Variants in TANC2 observed in about 807,000 individuals in gnomAD.
TANC2 encodes tetratricopeptide repeat, ankyrin repeat and coiled-coil containing 2.
Under a neutral mutation model 210.5 loss-of-function variants are expected in TANC2, and 26 were observed. The observed-to-expected ratio is 0.12, with a 90% CI of 0.09 to 0.17. The LOEUF (loss-of-function observed/expected upper bound fraction) is 0.17. TANC2 is among the 10% of genes least tolerant of loss of function. TANC2 has a pLI of 1.00. For missense variants in TANC2, 2,129 were observed against 2,608.9 expected (o/e 0.82, Z 4.01); for synonymous variants, 931 against 967.1 (o/e 0.96, Z 0.69).
intron 8 of TANC2, among the ~76,000 whole-genome samples, chr17:63,253,734 C>T (rs1304749592): frequency 6.6e-6 from 1 of 152,152 alleles, no homozygotes; most frequent in East Asian, 1.9e-4. Flanking sequence ...GATTCTCCCA[C>T]CTCAGACCTC....
chr17:63,034,016 C>T (rs1233075609), intron 2 of TANC2, among the ~76,000 whole-genome samples: 1 of 152,178 alleles, frequency 6.6e-6, no homozygotes, highest in Non-Finnish European at 1.5e-5. Flanking sequence ...TCTGGTCACT[C>T]TCTTCCCCCG....
chr17:63,156,953 A>G (rs1040346385), intron 5 of TANC2, among the ~76,000 whole-genome samples: 1 of 152,170 alleles, frequency 6.6e-6, no homozygotes, highest in Non-Finnish European at 1.5e-5. Context: ...GGCCTCCCTC[A>G]GCACTTTTGC....
At chr17:63,110,940 A>G (rs1257290933) in intron 4 of TANC2, among the ~76,000 whole-genome samples, 1 of 152,208 alleles carries the variant, frequency 6.6e-6, no homozygotes, top group Non-Finnish European at 1.5e-5. Flanking sequence ...TGGCCGTGTC[A>G]CTTGACTACT....
intron 12 of TANC2, among the ~76,000 whole-genome samples, chr17:63,341,387 A>T (rs1256245161): frequency 6.6e-6 from 1 of 152,138 alleles, no homozygotes; most frequent in African/African-American, 2.4e-5. Flanking sequence ...TGCCTTCGTC[A>T]TGTTTCTCAC....
intron 1 of TANC2, chr17:63,004,982 T>A (rs895101230): frequency 1.1e-5 from 2 of 177,720 alleles, no homozygotes; most frequent in African/African-American, 4.8e-5. Flanking sequence ...AGTGGTGGGA[T>A]GTGGGCACTG....
In TANC2 at chr17:63,421,937, C is replaced by A. The variant is rs371666530; in HGVS notation, c.6207C>A (p.Phe2069Leu). The change falls in exon 28 of 28, where the codon TTC becomes TTA. Residue 2069 changes from phenylalanine (F) to leucine (L), a missense_variant. This residue lies in a region of TANC2 where 161 missense variants were observed against 178.6 expected (regional missense o/e 0.90). Transcript: ENST00000689528. This position sits in a 1 kb window ranked among gnomAD's most constrained non-coding sequence, Gnocchi z 6.9. Reference sequence around the variant, plus strand: ...CCCCTATCAAACCAAAGAGACCGTTCGTGGAGTCTAATGTTTAAAAGACGT... The same window carrying A: ...CCCCTATCAAACCAAAGAGACCGTTAGTGGAGTCTAATGTTTAAAAGACGT... The A allele has an allele frequency of 6.2e-7, 1 of 1,609,710 alleles. No homozygotes were observed. Among genetic ancestry groups the A allele is most frequent in the South Asian group, 1.1e-5 (1 of 90,364 alleles).
At position 63,237,524 on chromosome 17, in the gene TANC2, T is replaced by C. The variant is rs555676426; in HGVS notation, c.770-290T>C. Among the ~76,000 whole-genome samples, 6 of 152,282 alleles carry C rather than the reference T, an allele frequency of 3.9e-5. No homozygotes were observed. In the East Asian group the frequency reaches 1.2e-3, roughly 29 times the overall value. On this transcript the variant is annotated intron_variant, in intron 7 of 27. Transcript: ENST00000689528. ...GCCTGTGCTTTTGAAGTCTTAGTCA[T>C]AATTTCTTTACCTAAACCAATGTCC... is the stretch of plus-strand genomic sequence containing the variant.
exon 28 of TANC2, chr17:63,427,408 A>C (rs191551765): frequency 1.0e-3 from 156 of 152,346 alleles, no homozygotes; most frequent in African/African-American, 3.6e-3. Flanking sequence ...TATATTATCC[A>C]ATGCATGTTT....
intron 3 of TANC2, among the ~76,000 whole-genome samples, chr17:63,093,141 A>G (rs2037265692): frequency 6.6e-6 from 1 of 152,024 alleles, no homozygotes; most frequent in Admixed American, 6.6e-5. Context: ...GATCCTTTGT[A>G]AGAAATCTAC....
chr17:63,044,314 C>T (rs1178940257), intron 2 of TANC2, among the ~76,000 whole-genome samples: 2 of 152,034 alleles, frequency 1.3e-5, no homozygotes, highest in African/African-American at 4.8e-5. Flanking sequence ...TATCCATGAA[C>T]GATTTTTGTT....
intron 5 of TANC2, among the ~76,000 whole-genome samples, chr17:63,173,590 TTTCC>T (rs1567785345): frequency 6.6e-6 from 1 of 152,200 alleles, no homozygotes; most frequent in Admixed American, 6.5e-5. Context: ...ATCTGAAGCC[TTTCC>T]TTTTTTCTAT....
At chr17:63,291,819 A>G (rs2044391538) in intron 9 of TANC2, among the ~76,000 whole-genome samples, 1 of 152,196 alleles carries the variant, frequency 6.6e-6, no homozygotes, top group Non-Finnish European at 1.5e-5. Context: ...AACCCCTCCA[A>G]GATTACAGCA....
intron 5 of TANC2, among the ~76,000 whole-genome samples, chr17:63,168,104 G>A (rs776522923): frequency 6.6e-5 from 10 of 152,084 alleles, no homozygotes; most frequent in Non-Finnish European, 1.0e-4. Context: ...ACGATGGCTC[G>A]TGCCTGTAAT....
chr17:63,104,351 G>A (rs1598404781), intron 4 of TANC2, among the ~76,000 whole-genome samples: 2 of 151,974 alleles, frequency 1.3e-5, no homozygotes, highest in South Asian at 2.1e-4. Context: ...CAACTCTTAC[G>A]GAATTTATAT....
intron 2 of TANC2, among the ~76,000 whole-genome samples, chr17:63,069,940 A>G (rs2036335446): frequency 1.3e-5 from 2 of 152,118 alleles, no homozygotes; most frequent in South Asian, 4.1e-4. Flanking sequence ...TTCATTCTGC[A>G]TTTGGAGAAA....
At chr17:63,056,081 G>A (rs932508564) in intron 2 of TANC2, among the ~76,000 whole-genome samples, 6 of 135,294 alleles carry the variant, frequency 4.4e-5, no homozygotes, top group African/African-American at 1.6e-4. Flanking sequence ...TGAGGTAGGA[G>A]GATCACATGA....
chr17:63,364,939 G>C (rs2047066878), intron 14 of TANC2, among the ~76,000 whole-genome samples: 2 of 152,158 alleles, frequency 1.3e-5, no homozygotes, highest in Admixed American at 1.3e-4. Context: ...GTGAATACTG[G>C]TTACAGCAAC....
intron 4 of TANC2, among the ~76,000 whole-genome samples, chr17:63,104,187 T>G (rs931879674): frequency 4.6e-5 from 7 of 152,108 alleles, no homozygotes; most frequent in African/African-American, 1.7e-4. Flanking sequence ...ACTTAGGTAT[T>G]GCTGTGCTTT....
intron 7 of TANC2, among the ~76,000 whole-genome samples, chr17:63,203,008 T>C (rs2041586470): frequency 6.6e-6 from 1 of 152,162 alleles, no homozygotes; most frequent in African/African-American, 2.4e-5. Context: ...CTTAGGTTGC[T>C]TCCAACTCCT....
Sources: allele counts gnomAD v4.1 joint callset (sites outside exome capture counted in the v4.1 genomes callset), GRCh38; gene constraint gnomAD v4.1.1; regional missense constraint gnomAD v4.1.1; non-coding constraint Gnocchi (gnomAD v3.1); transcripts MANE v1.5; gene names NCBI Gene and HGNC (gene_info 2026-07-23, HGNC 2026-07-21).